Variants in ANK3 observed in about 807,000 individuals in gnomAD.
The protein encoded by ANK3 is ankyrin-3.
A neutral mutation model predicts 370.9 loss-of-function variants in ANK3; 57 were observed. The ratio of observed to expected loss-of-function variants is 0.15; its 90% confidence interval spans 0.12 to 0.19. ANK3 has a LOEUF of 0.19. Among genes scored for constraint, ANK3 ranks in the 10% least tolerant of loss-of-function variants. The pLI is 1.00. For missense variants in ANK3, 4,439 were observed against 5,302.1 expected (o/e 0.84, Z 5.06); for synonymous variants, 1,929 against 1,946.3 (o/e 0.99, Z 0.23).
intron 2 of ANK3, among the ~76,000 whole-genome samples, chr10:60,481,624 G>A (rs894810582): frequency 2.0e-5 from 3 of 151,986 alleles, no homozygotes; most frequent in African/African-American, 4.8e-5. Flanking sequence ...CACCATGCCC[G>A]GCTAATTTTT....
At chr10:60,579,415 A>G (rs946371909) in intron 2 of ANK3, among the ~76,000 whole-genome samples, 1 of 151,956 alleles carries the variant, frequency 6.6e-6, no homozygotes, top group African/African-American at 2.4e-5. Flanking sequence ...AGAAATTACA[A>G]TGAAAGAGGA....
At chr10:60,624,029 G>A (rs533242407) in intron 1 of ANK3, among the ~76,000 whole-genome samples, 4 of 152,162 alleles carry the variant, frequency 2.6e-5, no homozygotes, top group Non-Finnish European at 4.4e-5. Flanking sequence ...ACAAAGAAGG[G>A]AACAGACACT....
chr10:60,139,832 A>C (rs1243974704), intron 23 of ANK3: 1 of 154,930 alleles, frequency 6.5e-6, no homozygotes, highest in African/African-American at 2.4e-5. Context: ...CCAGCTACGT[A>C]TGCAAAACAT....
chr10:60,469,284 T>TATATATATATATATACCACTTTTA (rs1416326565), intron 2 of ANK3, among the ~76,000 whole-genome samples: 1 of 92 alleles, frequency 0.011, no homozygotes, highest in African/African-American at 0.071. Flanking sequence ...ATTTTTAGTG[T>TATATATATATATATACCACTTTTA]GTGTATATAT....
chr10:60,383,982 C>T (rs2061904486), intron 1 of ANK3, among the ~76,000 whole-genome samples: 1 of 152,190 alleles, frequency 6.6e-6, no homozygotes, highest in Non-Finnish European at 1.5e-5. Flanking sequence ...CATCTCATTA[C>T]AATAAACCCA....
intron 2 of ANK3, among the ~76,000 whole-genome samples, chr10:60,472,112 A>G (rs1019945757): frequency 6.6e-6 from 1 of 152,158 alleles, no homozygotes; most frequent in Non-Finnish European, 1.5e-5. Flanking sequence ...GCTTATGACA[A>G]ATGTCAAGTA....
chr10:60,409,084 T>C (rs1048470173), intron 2 of ANK3, among the ~76,000 whole-genome samples: 2 of 152,232 alleles, frequency 1.3e-5, no homozygotes, highest in African/African-American at 4.8e-5. Flanking sequence ...AGTTGCCTGC[T>C]GAGTTCAAAT....
At chr10:60,395,628 C>CTTTCTTTCTTTCTTTCTTTCTTTCTT (rs56817676) in intron 2 of ANK3, among the ~76,000 whole-genome samples, 1 of 137,692 alleles carries the variant, frequency 7.3e-6, no homozygotes, top group Non-Finnish European at 1.5e-5. Context: ...TTCTCTCTCT[C>CTTTCTTTCTTTCTTTCTTTCTTTCTT]TCTCTCTCTC....
intron 1 of ANK3, among the ~76,000 whole-genome samples, chr10:60,665,294 T>C (rs1217769521): frequency 6.6e-6 from 1 of 152,200 alleles, no homozygotes; most frequent in Non-Finnish European, 1.5e-5. Flanking sequence ...TGCCAGAGAA[T>C]AGAACAAGAG....
intron 1 of ANK3, among the ~76,000 whole-genome samples, chr10:60,703,781 C>T (rs895170729): frequency 6.6e-6 from 1 of 152,142 alleles, no homozygotes; most frequent in African/African-American, 2.4e-5. Context: ...TCCTGCCCTC[C>T]CCAAAGGTAA....
At chr10:60,403,945 T>C (rs2063402141) in intron 2 of ANK3, among the ~76,000 whole-genome samples, 1 of 152,212 alleles carries the variant, frequency 6.6e-6, no homozygotes, top group Non-Finnish European at 1.5e-5. Context: ...GTATTTTGTA[T>C]GATGGCTGCA....
At position 60,166,650 on chromosome 10, in the gene ANK3, C is replaced by G. The variant is rs190358169; in HGVS notation, c.2555G>C (p.Arg852Pro). 5 of 1,613,514 alleles carry G rather than the reference C, an allele frequency of 3.1e-6. No individual in the cohort carries two copies. Among genetic ancestry groups the G allele is most frequent in the Non-Finnish European group, 3.4e-6 (4 of 1,179,620 alleles). The change falls in exon 23 of 44, where the codon CGT becomes CCT. Residue 852 changes from arginine (R) to proline (P), a missense_variant. Physicochemically the swap from Arg to Pro is moderately radical, Grantham distance 103. This residue lies in a region of ANK3 where 702 missense variants were observed against 941.5 expected (regional missense o/e 0.75). Transcript: ENST00000280772. ...EVLDMSDDEV[R>P]KANAPEMLSD... ...GAGCATTTCAGGGGCATTGGCTTTA[C>G]GAACTGCATGATTGAAGTGAACAAT...
At chr10:60,181,519 G>A (rs773556278) in intron 17 of ANK3, 92 bp from the exon 18 acceptor site, 6 of 1,199,666 alleles carry the variant, frequency 5.0e-6, no homozygotes, top group Non-Finnish European at 7.4e-6. Flanking sequence ...TTCTAAGATG[G>A]TAAGCCGAGA....
At chr10:60,165,715 A>C (rs1193830545) in intron 23 of ANK3, among the ~76,000 whole-genome samples, 1 of 152,204 alleles carries the variant, frequency 6.6e-6, no homozygotes, top group Non-Finnish European at 1.5e-5. Context: ...GACTAGCAAC[A>C]CTAAGACTAA....
chr10:60,542,061 C>T (rs1223840026), intron 2 of ANK3, among the ~76,000 whole-genome samples: 4 of 151,884 alleles, frequency 2.6e-5, no homozygotes, highest in African/African-American at 7.2e-5. Flanking sequence ...AGCCAAGAAA[C>T]ATCCTCTCAC....
chr10:60,531,732 T>A (rs2076611240), intron 2 of ANK3, among the ~76,000 whole-genome samples: 1 of 152,160 alleles, frequency 6.6e-6, no homozygotes, highest in Non-Finnish European at 1.5e-5. Flanking sequence ...AAGTCAAGCC[T>A]GACATTTATT....
intron 2 of ANK3, among the ~76,000 whole-genome samples, chr10:60,475,931 G>C (rs1595107502): frequency 6.6e-6 from 1 of 151,890 alleles, no homozygotes; most frequent in South Asian, 2.1e-4. Flanking sequence ...TAAAAGTAAG[G>C]GTTTATAATC....
chr10:60,422,131 T>A (rs534587765), intron 2 of ANK3, among the ~76,000 whole-genome samples: 1 of 152,204 alleles, frequency 6.6e-6, no homozygotes, highest in East Asian at 1.9e-4. Context: ...TTTTAAATGT[T>A]GACCCTGTCT....
At chr10:60,515,757 G>A (rs10821781) in intron 2 of ANK3, among the ~76,000 whole-genome samples, 34,769 of 151,942 alleles carry the variant, frequency 0.23, 4,376 homozygotes, top group East Asian at 0.47. Context: ...TTAGAGTTAG[G>A]AATCAAAGAA....
Sources: gnomAD v4.1 joint callset for allele counts (sites outside exome capture counted in the v4.1 genomes callset) on GRCh38, gnomAD v4.1.1 for gene constraint, gnomAD v4.1.1 regional missense constraint, MANE v1.5 for transcripts, NCBI Gene and HGNC (gene_info 2026-07-23, HGNC 2026-07-21) for gene names.